The following LNX2 variants were observed in gnomAD, a reference collection of about 807,000 sequenced individuals.
LNX2 encodes the protein ligand of numb-protein X 2.
In LNX2, 35 loss-of-function variants were observed where a neutral mutation model predicts 66.2. The observed-to-expected ratio is 0.53, with a 90% CI of 0.40 to 0.70. LNX2 has a LOEUF of 0.70. Ranked by LOEUF, LNX2 falls within the 30% of genes least tolerant of loss-of-function variation. The probability of loss-of-function intolerance (pLI) is 0.00; values close to 1 mark genes in which losing one functional copy is unlikely to be tolerated. For synonymous variants in LNX2, 337 were observed against 315.6 expected (o/e 1.07, Z -0.72); for missense variants, 791 against 850.8 (o/e 0.93, Z 0.87).
At chr13:27,604,782 C>T (rs1448739743) in intron 1 of LNX2, among the ~76,000 whole-genome samples, 1 of 151,452 alleles carries the variant, frequency 6.6e-6, no homozygotes, top group East Asian at 1.9e-4. Context: ...TTTGTTGCAA[C>T]CCCTTTTCTT....
chr13:27,564,698 T>G (rs1205261708), intron 4 of LNX2, among the ~76,000 whole-genome samples: 3 of 152,170 alleles, frequency 2.0e-5, no homozygotes, highest in Non-Finnish European at 4.4e-5. Context: ...ATGTATATGG[T>G]CTGCAAAAAT....
intron 4 of LNX2, among the ~76,000 whole-genome samples, chr13:27,566,596 G>C (rs1955208412): frequency 6.6e-6 from 1 of 152,184 alleles, no homozygotes; most frequent in South Asian, 2.1e-4. Context: ...ACCTGGCAGT[G>C]ATTGTTTCAG....
intron 4 of LNX2, among the ~76,000 whole-genome samples, chr13:27,567,039 T>C (rs984016475): frequency 6.6e-6 from 1 of 152,060 alleles, no homozygotes; most frequent in African/African-American, 2.4e-5. Context: ...GATCATCTTC[T>C]GAAAGGGAAA....
chr13:27,557,636 CA>C (rs1213024306), intron 6 of LNX2, among the ~76,000 whole-genome samples: 4 of 152,062 alleles, frequency 2.6e-5, no homozygotes, highest in African/African-American at 9.6e-5. Flanking sequence ...AGAGAATTGA[CA>C]TGTATTTAAC....
Position 27,562,721 on chromosome 13 carries a change from G to A in LNX2, c.916C>T (p.Pro306Ser), listed in dbSNP as rs771602247. 1.2e-6 allele frequency: 2 copies of A among 1,614,148 alleles called. No individual in the cohort carries two copies. The highest frequency in any genetic ancestry group is 4.5e-5 in the East Asian group (2 of 44,872). The stretch of plus-strand genomic sequence containing the variant: ...ACAGTAAGATGCAGTGTGTTGCAGG[G>A]CTGGGAAAGGACAGCTCGGGCATAG... Reference protein sequence around the residue: ...HNYARAVLSQPCNTLHLTVLR... With the variant: ...HNYARAVLSQSCNTLHLTVLR... Residue 306 changes from proline (P) to serine (S), a missense_variant, in exon 5 of 10, where the codon CCC (proline) becomes TCC (serine). Transcript: ENST00000316334.
At chr13:27,560,563 G>GTATATATATATA (rs1382726431) in intron 5 of LNX2, among the ~76,000 whole-genome samples, 3 of 50,832 alleles carry the variant, frequency 5.9e-5, no homozygotes, top group African/African-American at 4.6e-4. Flanking sequence ...ATATGTATGT[G>GTATATATATATA]TGTATATATA....
At chr13:27,603,227 T>C (rs1413044819) in intron 1 of LNX2, among the ~76,000 whole-genome samples, 1 of 152,218 alleles carries the variant, frequency 6.6e-6, no homozygotes, top group East Asian at 1.9e-4. Context: ...AGATATTTGT[T>C]AAAAAAGAAC....
At chr13:27,587,852 T>G (rs991829161) in intron 1 of LNX2, among the ~76,000 whole-genome samples, 1 of 151,878 alleles carries the variant, frequency 6.6e-6, no homozygotes, top group Admixed American at 6.6e-5. Context: ...AAACCCCATC[T>G]CTACTAAAAA....
chr13:27,615,350 C>G (rs532624190), intron 1 of LNX2, among the ~76,000 whole-genome samples: 1 of 152,200 alleles, frequency 6.6e-6, no homozygotes, highest in African/African-American at 2.4e-5. Context: ...GGAAGGGGTG[C>G]GGAGCGTCCA....
intron 3 of LNX2, among the ~76,000 whole-genome samples, chr13:27,568,226 G>A (rs1245691571): frequency 6.6e-6 from 1 of 152,234 alleles, no homozygotes; most frequent in Non-Finnish European, 1.5e-5. Context: ...CAGCACAGGT[G>A]TTGAGAGAGT....
intron 1 of LNX2, among the ~76,000 whole-genome samples, chr13:27,594,556 T>A (rs1029699417): frequency 1.3e-5 from 2 of 151,102 alleles, no homozygotes; most frequent in African/African-American, 4.9e-5. Context: ...TATAATAAAA[T>A]TTTTTTTATT....
At position 27,581,764 on chromosome 13, in the gene LNX2, C is replaced by CA. The variant is rs373316614; in HGVS notation, c.-62dup. ...CCACTTCACGCTTGGTTTCCTTTAA[C>CA]AGACAGTGATGTATCTGACTAAAGT... is the stretch of plus-strand genomic sequence containing the variant. On this transcript the variant is annotated 5_prime_UTR_variant, in exon 2 of 10. Transcript: ENST00000316334. 2.8e-4 allele frequency: 405 copies of CA among 1,427,778 alleles called. 2 individuals carry two copies. In the African/African-American group the frequency reaches 5.1e-3, roughly 18 times the overall value. 88.4% of individuals were successfully genotyped at this position (1,427,778 alleles called of 1,614,324 possible). A position where few individuals can be genotyped will look rare whatever the true frequency, so the allele number is the denominator to read the frequency against.
intron 1 of LNX2, among the ~76,000 whole-genome samples, chr13:27,603,585 G>T (rs189648539): frequency 5.8e-4 from 89 of 152,302 alleles, no homozygotes; most frequent in African/African-American, 2.0e-3. Flanking sequence ...TGATGACAAA[G>T]AAATAGTAAC....
chr13:27,556,060 T>C (rs1441770282), intron 7 of LNX2, among the ~76,000 whole-genome samples, 176 bp downstream of exon 7: 1 of 152,246 alleles, frequency 6.6e-6, no homozygotes, highest in Admixed American at 6.5e-5. Flanking sequence ...CTTTCCTTTA[T>C]ATAAGGCATT....
intron 1 of LNX2, among the ~76,000 whole-genome samples, chr13:27,617,625 C>T (rs899693004): frequency 1.3e-5 from 2 of 152,174 alleles, no homozygotes; most frequent in Non-Finnish European, 2.9e-5. Context: ...TGATATCGCT[C>T]CACTGTGAAC....
In LNX2 at chr13:27,618,600, A is replaced by T. The variant is rs117368958; in HGVS notation, c.-101+1775T>A. Among the ~76,000 whole-genome samples, 224 of 152,314 alleles carry T rather than the reference A, an allele frequency of 1.5e-3. 1 individual carries two copies. The highest frequency in any genetic ancestry group is 1.9e-3 in the Non-Finnish European group (130 of 68,030). ...GTATCACTGACTGGATAAAGTCCAA[A>T]TTTCTTAATCTGGTATAAAAAATCC... On this transcript the variant is annotated intron_variant, in intron 1 of 9. Transcript: ENST00000316334.
intron 2 of LNX2, among the ~76,000 whole-genome samples, chr13:27,581,076 G>A (rs1051269128): frequency 1.3e-5 from 2 of 152,170 alleles, no homozygotes; most frequent in African/African-American, 2.4e-5. Flanking sequence ...ATATTAACAG[G>A]TATAAAACAG....
chr13:27,583,200 GT>G (rs1955424500), intron 1 of LNX2, among the ~76,000 whole-genome samples: 2 of 13,396 alleles, frequency 1.5e-4, no homozygotes, highest in South Asian at 4.0e-3. Context: ...GTGTGTGTGT[GT>G]GTGTGTGTGT....
In LNX2 at chr13:27,581,592, A is replaced by G. The variant is rs752767041; in HGVS notation, c.112T>C (p.Tyr38His). Residue 38 changes from tyrosine (Y) to histidine (H), a missense_variant, in exon 2 of 10, where the codon TAC (tyrosine) becomes CAC (histidine). Physicochemically the swap from Tyr to His is moderately conservative, Grantham distance 83. Transcript: ENST00000316334. Reference sequence around the variant, plus strand: ...TCATCCACTTCATTCTGGTAATTGTACAAATGGTTTTCTCTTGTCCAGTGC... The same window carrying G: ...TCATCCACTTCATTCTGGTAATTGTGCAAATGGTTTTCTCTTGTCCAGTGC... ...QQHWTRENHL[Y>H]NYQNEVDDDL... 1 of 1,614,200 alleles carries G rather than the reference A, an allele frequency of 6.2e-7. No homozygotes were observed. Among genetic ancestry groups the G allele is most frequent in the Non-Finnish European group, 8.5e-7 (1 of 1,180,036 alleles).
Sources: gnomAD v4.1 joint callset for allele counts (sites outside exome capture counted in the v4.1 genomes callset) on GRCh38, gnomAD v4.1.1 for gene constraint, MANE v1.5 for transcripts, NCBI Gene and HGNC (gene_info 2026-07-23, HGNC 2026-07-21) for gene names.